The following ZNF135 variants were observed in gnomAD, a reference collection of about 807,000 sequenced individuals.
The protein encoded by ZNF135 is zinc finger protein 135.
ZNF135 carries 11 observed loss-of-function variants against 12.3 expected under a neutral mutation model. That is an observed-to-expected ratio of 0.89 (90% CI 0.56 to 1.48). ZNF135 has a LOEUF of 1.48. Ranked by LOEUF, ZNF135 falls within the 40% of genes most tolerant of loss-of-function variation. The probability of loss-of-function intolerance (pLI) is 0.00; values close to 1 mark genes in which losing one functional copy is unlikely to be tolerated. For synonymous variants in ZNF135, 316 were observed against 312.0 expected (o/e 1.01, Z -0.14); for missense variants, 722 against 815.7 (o/e 0.89, Z 1.40).
At chr19:58,062,129 T>G (rs1301561715) in intron 3 of ZNF135, among the ~76,000 whole-genome samples, 2 of 152,202 alleles carry the variant, frequency 1.3e-5, no homozygotes, top group African/African-American at 4.8e-5. Flanking sequence ...CTGGGAAGCC[T>G]AAGATCAAGG....
chr19:58,066,601 A>G (rs1019773652), intron 4 of ZNF135, 140 bp from the exon 5 acceptor site: 20 of 1,193,250 alleles, frequency 1.7e-5, no homozygotes, highest in South Asian at 1.1e-4. Context: ...TTGCAAAACT[A>G]TATTTTTAAA....
Position 58,063,589 on chromosome 19 carries a change from T to A in ZNF135, c.256+48T>A. On this transcript the variant is annotated intron_variant, in intron 4 of 4. Transcript: ENST00000313434. This position sits in a 1 kb window ranked among gnomAD's most constrained non-coding sequence, Gnocchi z 4.4. ...CAGAGAGAAGCCTGTCCATGCTTGC[T>A]TCCTGGTTTCTCCCTCTGCATCTGC... The A allele has an allele frequency of 1.9e-6, 3 of 1,610,814 alleles. No homozygotes were observed. Among genetic ancestry groups the A allele is most frequent in the Non-Finnish European group, 2.5e-6 (3 of 1,178,068 alleles).
chr19:58,060,409 A>G lies in ZNF135; in HGVS notation c.33+374A>G, dbSNP rs2073955736. On this transcript the variant is annotated intron_variant, in intron 2 of 4. Transcript: ENST00000313434. This position sits in a 1 kb window ranked among gnomAD's most constrained non-coding sequence, Gnocchi z 4.9. ...CACGCCGCGCTGGAGGTCAGCGGGC[A>G]CGGGTCCCTGTCTGAGTGGGCTTTA... 2.5e-6 allele frequency: 3 copies of G among 1,191,450 alleles called. No individual in the cohort carries two copies. The highest frequency in any genetic ancestry group is 4.0e-5 in the Admixed American group (1 of 25,200). The allele number at this position is 1,191,450 out of a possible 1,614,324, so 73.8% of individuals were successfully genotyped here. A position where few individuals can be genotyped will look rare whatever the true frequency, so the allele number is the denominator to read the frequency against.
chr19:58,067,359 A>C lies in ZNF135; in HGVS notation c.875A>C (p.His292Pro), dbSNP rs1343975128. The change falls in exon 5 of 5, where the codon CAC (histidine) becomes CCC (proline). Residue 292 changes from histidine to proline, a missense_variant. Physicochemically the swap from His to Pro is moderately conservative, Grantham distance 77 (BLOSUM62 -2). Coordinates refer to ENST00000313434, the MANE Select transcript of ZNF135 (RefSeq NM_001289401.2). Reference sequence around the variant, plus strand: ...CCACTGATCCAGCACCAGAGAACTCACACAGGTGAGAAGCCCTATGAATGC... The same window carrying C: ...CCACTGATCCAGCACCAGAGAACTCCCACAGGTGAGAAGCCCTATGAATGC... ...IAPLIQHQRT[H>P]TGEKPYECSE... 4 of 1,614,184 alleles carry C rather than the reference A, an allele frequency of 2.5e-6. No individual in the cohort carries two copies. In the Admixed American group the frequency reaches 5.0e-5, roughly 20 times the overall value.
rs1568615487 is a variant in ZNF135, at chr19:58,066,988, CAT to C, written c.506_507del (p.Ile169LysfsTer5). On this transcript the variant is annotated frameshift_variant, in exon 5 of 5. Coordinates refer to ENST00000313434, the MANE Select transcript of ZNF135 (RefSeq NM_001289401.2). LOFTEE classifies it low-confidence loss of function (END_TRUNC). Reference protein sequence around the residue: ...QWQRNGFGENISLNPDLPHQP... With the variant: ...QWQRNGFGENXSLNPDLPHQP... ...GGCAGAGGAATGGGTTTGGGGAAAA[CAT>C]AAGTCTGAACCCTGATCTCCCACAT... is the stretch of plus-strand genomic sequence containing the variant. 6.2e-7 allele frequency: 1 copy of C among 1,614,122 alleles called. No individual in the cohort carries two copies. The highest frequency in any genetic ancestry group is 1.1e-5 in the South Asian group (1 of 91,076).
rs1477573410 is a variant in ZNF135 at position 58,059,313 on chromosome 19, G to C, written c.-35+3G>C. 5.2e-6 allele frequency: 8 copies of C among 1,552,408 alleles called. No homozygotes were observed. The highest frequency in any genetic ancestry group is 6.9e-6 in the Non-Finnish European group (8 of 1,157,524). On this transcript the variant is annotated splice_donor_region_variant and intron_variant, in intron 1 of 4. Transcript: ENST00000313434. This position sits in a 1 kb window ranked among gnomAD's most constrained non-coding sequence, Gnocchi z 6.5. ...GCCTTTGTCTCGCAGTCAGGAGGGTGAGCTAGGCCGGCGAGGAGGGGGAGG... is the reference window on the plus strand; with the variant it reads ...GCCTTTGTCTCGCAGTCAGGAGGGTCAGCTAGGCCGGCGAGGAGGGGGAGG...
chr19:58,064,960 T>G (rs749643441), intron 4 of ZNF135, among the ~76,000 whole-genome samples: 2 of 152,228 alleles, frequency 1.3e-5, no homozygotes, highest in African/African-American at 2.4e-5. Flanking sequence ...GTTAAGTTTT[T>G]GGGGAGTCAA....
chr19:58,067,738 C>T lies in ZNF135; in HGVS notation c.1254C>T (p.Ala418=), dbSNP rs2074100023. The T allele has an allele frequency of 6.2e-7, 1 of 1,614,176 alleles. No individual in the cohort carries two copies. Among genetic ancestry groups the T allele is most frequent in the Non-Finnish European group, 8.5e-7 (1 of 1,180,040 alleles). ...ATGAGTGTGGTGAGTGTGGGAAAGC[C>T]TTCAGTCAGAGCACACTCCTGACCG... ...KPYECGECGK[A]FSQSTLLTEH... The change falls in exon 5 of 5, where the codon GCC becomes GCT. Residue 418 remains alanine, a synonymous_variant. Coordinates refer to ENST00000313434, the MANE Select transcript of ZNF135 (RefSeq NM_001289401.2).
Position 58,060,368 on chromosome 19 carries a change from C to A in ZNF135, c.33+333C>A, listed in dbSNP as rs1472719220. 1.6e-6 allele frequency: 2 copies of A among 1,267,466 alleles called. No individual in the cohort carries two copies. Among genetic ancestry groups the A allele is most frequent in the Non-Finnish European group, 2.0e-6 (2 of 998,302 alleles). 78.5% of individuals were successfully genotyped at this position (1,267,466 alleles called of 1,614,324 possible). On this transcript the variant is annotated intron_variant, in intron 2 of 4. Transcript: ENST00000313434. This position sits in a 1 kb window ranked among gnomAD's most constrained non-coding sequence, Gnocchi z 4.9. ...GCCAAGCTCCCCAACCACAGCCTGC[C>A]TCTGAAAGGACCGCCCACGCCGCGC... is the stretch of plus-strand genomic sequence containing the variant.
In ZNF135 at chr19:58,060,352, C is replaced by G; in HGVS notation, c.33+317C>G. On this transcript the variant is annotated intron_variant, in intron 2 of 4. Transcript: ENST00000313434. The surrounding 1 kb of genome is among the most constrained non-coding windows in gnomAD (Gnocchi z 4.9). ...GCCTCCTAAAGTCCGCGCCAAGCTC[C>G]CCAACCACAGCCTGCCTCTGAAAGG... The G allele has an allele frequency of 7.7e-7, 1 of 1,298,998 alleles. No individual in the cohort carries two copies. The highest frequency in any genetic ancestry group is 9.8e-7 in the Non-Finnish European group (1 of 1,017,786). The allele number at this position is 1,298,998 out of a possible 1,614,324, so 80.5% of individuals were successfully genotyped here.
chr19:58,066,373 T>G (rs768148182), intron 4 of ZNF135, among the ~76,000 whole-genome samples: 1 of 152,146 alleles, frequency 6.6e-6, no homozygotes, highest in African/African-American at 2.4e-5. Context: ...CACTGCTCCT[T>G]CCAAGTCCAG....
intron 4 of ZNF135, among the ~76,000 whole-genome samples, chr19:58,064,765 C>T (rs1465490981): frequency 6.6e-6 from 1 of 151,998 alleles, no homozygotes; most frequent in Non-Finnish European, 1.5e-5. Context: ...GTGGCACGCT[C>T]CTGTAGTCCC....
rs1238202243 is a variant in ZNF135, at chr19:58,059,878, G to A, written c.-34-91G>A. 2.0e-6 allele frequency: 3 copies of A among 1,496,156 alleles called. No individual in the cohort carries two copies. Among genetic ancestry groups the A allele is most frequent in the African/African-American group, 1.4e-5 (1 of 72,312 alleles). The allele number at this position is 1,496,156 out of a possible 1,614,324, so 92.7% of individuals were successfully genotyped here. A position where few individuals can be genotyped will look rare whatever the true frequency, so the allele number is the denominator to read the frequency against. On this transcript the variant is annotated intron_variant, in intron 1 of 4. Transcript: ENST00000313434. The surrounding 1 kb of genome is among the most constrained non-coding windows in gnomAD (Gnocchi z 6.5). ...CGCGGGGCCCTGGACGGCTCTCCGC[G>A]GAGCTCCCCAGGCTCTGGCGCAGTT...
In ZNF135 at chr19:58,063,291, T is replaced by C. The variant is rs1011835592; in HGVS notation, c.161-155T>C. 6.6e-6 allele frequency among the ~76,000 whole-genome samples: 1 copy of C among 151,476 alleles called. No individual in the cohort carries two copies. The highest frequency in any genetic ancestry group is 1.5e-5 in the Non-Finnish European group (1 of 67,898). ...CAGGGACTGAGAGTAGGGGAATGAG[T>C]CCCTGAGGAACATCCAGGGCTGTGG... On this transcript the variant is annotated intron_variant, in intron 3 of 4. Coordinates refer to ENST00000313434, the MANE Select transcript of ZNF135 (RefSeq NM_001289401.2). This position sits in a 1 kb window ranked among gnomAD's most constrained non-coding sequence, Gnocchi z 4.4.
At chr19:58,062,857 AT>A (rs1461842570) in intron 3 of ZNF135, among the ~76,000 whole-genome samples, 22 of 151,944 alleles carry the variant, frequency 1.4e-4, no homozygotes, top group African/African-American at 5.3e-4. Context: ...CACCTAGCTA[AT>A]TTTTAAAATT....
In ZNF135 at chr19:58,067,484, G is replaced by A. The variant is rs2074094109; in HGVS notation, c.1000G>A (p.Ala334Thr). 5.6e-6 allele frequency: 9 copies of A among 1,614,108 alleles called. No homozygotes were observed. The highest frequency in any genetic ancestry group is 1.7e-5 in the Admixed American group (1 of 60,018). The change falls in exon 5 of 5, where the codon GCC becomes ACC. Residue 334 changes from alanine to threonine, a missense_variant. Ala to Thr is a moderately conservative substitution (Grantham distance 58). Coordinates refer to ENST00000313434, the MANE Select transcript of ZNF135 (RefSeq NM_001289401.2). ...KPYECSECGK[A>T]FRQSIHLTQH... is the part of the protein sequence containing the mutation. ...CTACGAGTGCAGTGAGTGTGGGAAAGCCTTCCGGCAAAGCATCCACCTCAC... is the reference window on the plus strand; with the variant it reads ...CTACGAGTGCAGTGAGTGTGGGAAAACCTTCCGGCAAAGCATCCACCTCAC...
rs538847208 is a variant in ZNF135 at position 58,060,976 on chromosome 19, A to C, written c.34-604A>C. ...CCCGTCTCTACTAAAAATACAAAAA[A>C]AAATTAGCCGGGGGGGTGGCGGGCG... On this transcript the variant is annotated intron_variant, in intron 2 of 4. Transcript: ENST00000313434. The surrounding 1 kb of genome is among the most constrained non-coding windows in gnomAD (Gnocchi z 4.9). Among the ~76,000 whole-genome samples, 2 of 152,152 alleles carry C rather than the reference A, an allele frequency of 1.3e-5. No homozygotes were observed. The highest frequency in any genetic ancestry group is 4.2e-4 in the South Asian group (2 of 4,814).
Position 58,060,414 on chromosome 19 carries a change from T to C in ZNF135, c.33+379T>C. ...CGCGCTGGAGGTCAGCGGGCACGGG[T>C]CCCTGTCTGAGTGGGCTTTATGTTT... On this transcript the variant is annotated intron_variant, in intron 2 of 4. Transcript: ENST00000313434. The surrounding 1 kb of genome is among the most constrained non-coding windows in gnomAD (Gnocchi z 4.9). 2 of 1,177,760 alleles carry C rather than the reference T, an allele frequency of 1.7e-6. No homozygotes were observed. Among genetic ancestry groups the C allele is most frequent in the Non-Finnish European group, 1.1e-6 (1 of 944,240 alleles). The allele number at this position is 1,177,760 out of a possible 1,614,324, so 73.0% of individuals were successfully genotyped here.
In ZNF135 at chr19:58,059,351, G is replaced by A. The variant is rs1219240957; in HGVS notation, c.-35+41G>A. Reference sequence around the variant, plus strand: ...GAGGAGGGGGAGGGGAGGCCAGGCCGGGCCGGGCCGGGCCGGGTGCGGGGG... The same window carrying A: ...GAGGAGGGGGAGGGGAGGCCAGGCCAGGCCGGGCCGGGCCGGGTGCGGGGG... On this transcript the variant is annotated intron_variant, in intron 1 of 4. Coordinates refer to ENST00000313434, the MANE Select transcript of ZNF135 (RefSeq NM_001289401.2). This position sits in a 1 kb window ranked among gnomAD's most constrained non-coding sequence, Gnocchi z 6.5. 1.8e-5 allele frequency: 20 copies of A among 1,126,172 alleles called. No individual in the cohort carries two copies. Among genetic ancestry groups the A allele is most frequent in the South Asian group, 3.4e-5 (2 of 58,280 alleles). 69.8% of individuals were successfully genotyped at this position (1,126,172 alleles called of 1,614,324 possible).
Sources: gnomAD v4.1 joint callset for allele counts (sites outside exome capture counted in the v4.1 genomes callset) on GRCh38, gnomAD v4.1.1 for gene constraint, Gnocchi (gnomAD v3.1) non-coding constraint, MANE v1.5 for transcripts, NCBI Gene and HGNC (gene_info 2026-07-23, HGNC 2026-07-21) for gene names.